Variants in P2RY8 observed in about 807,000 individuals in gnomAD.
P2RY8 encodes S-geranylgeranyl-glutathione receptor P2RY8.
P2RY8 carries 6 observed loss-of-function variants against 10.0 expected under a neutral mutation model. The ratio of observed to expected loss-of-function variants is 0.60; its 90% CI spans 0.33 to 1.19. P2RY8 has a LOEUF of 1.19. P2RY8 is among the 50% of genes most tolerant of loss of function. P2RY8 has a pLI of 0.04. For synonymous variants in P2RY8, 276 were observed against 252.5 expected (o/e 1.09, Z -0.88); for missense variants, 456 against 542.0 (o/e 0.84, Z 1.58).
At chrX:1,466,968 C>G (rs141616835) in intron 1 of P2RY8, among the ~76,000 whole-genome samples, 3,839 of 109,514 alleles carry the variant, frequency 0.035, 75 homozygotes, top group Middle Eastern at 0.067. Flanking sequence ...GGCTGAGACT[C>G]TTAGATGATC....
chrX:1,475,998 C>T (rs2091868543), intron 1 of P2RY8, among the ~76,000 whole-genome samples: 1 of 152,190 alleles, frequency 6.6e-6, no homozygotes, highest in African/African-American at 2.4e-5. Context: ...CCTGCTCAAG[C>T]ATCTCCCTGC....
intron 1 of P2RY8, among the ~76,000 whole-genome samples, chrX:1,490,615 T>C (rs1343795492): frequency 1.4e-5 from 2 of 143,904 alleles, no homozygotes; most frequent in Non-Finnish European, 3.0e-5. Context: ...GTGGGGGGAA[T>C]GAATGAATGA....
chrX:1,498,266 T>G (rs766062907), intron 1 of P2RY8, among the ~76,000 whole-genome samples: 2 of 150,610 alleles, frequency 1.3e-5, no homozygotes, highest in Non-Finnish European at 3.0e-5. Flanking sequence ...ATTAGCCGGG[T>G]GTGGTGGCGG....
intron 1 of P2RY8, among the ~76,000 whole-genome samples, chrX:1,499,801 C>G (rs188293865): frequency 2.0e-5 from 3 of 152,048 alleles, no homozygotes; most frequent in African/African-American, 7.2e-5. Flanking sequence ...CCTGGGATGT[C>G]TTTCTATTTA....
At chrX:1,474,644 G>GTGGTTGGACGTGTGGGTGGATGGA (rs2091854297) in intron 1 of P2RY8, among the ~76,000 whole-genome samples, 1 of 146,294 alleles carries the variant, frequency 6.8e-6, no homozygotes, top group Non-Finnish European at 1.5e-5. Context: ...CAGTGTTTAG[G>GTGGTTGGACGTGTGGGTGGATGGA]TGGTTGGACG....
intron 1 of P2RY8, among the ~76,000 whole-genome samples, chrX:1,509,375 T>TCTAA (rs1156404227): frequency 1.3e-3 from 25 of 19,252 alleles, no homozygotes; most frequent in Admixed American, 3.2e-3. Context: ...ATCCATCTAT[T>TCTAA]CTATCTATCT....
rs2091626340 is a variant in P2RY8, at chrX:1,464,052, C to T, written c.*1427G>A. 1 of 233,170 alleles carries T rather than the reference C, an allele frequency of 4.3e-6. No individual in the cohort carries two copies. Among genetic ancestry groups the T allele is most frequent in the Non-Finnish European group, 8.5e-6 (1 of 118,072 alleles). 14.4% of individuals were successfully genotyped at this position (233,170 alleles called of 1,614,324 possible). On this transcript the variant is annotated 3_prime_UTR_variant, in exon 2 of 2. Transcript: ENST00000381297. Reference sequence around the variant, plus strand: ...CAGGAGAGAGGCACCAATAGAGGGCCTCCGAACAGCAGCTTCAGCCTCCAT... The same window carrying T: ...CAGGAGAGAGGCACCAATAGAGGGCTTCCGAACAGCAGCTTCAGCCTCCAT...
chrX:1,472,234 T>G (rs2091796486), intron 1 of P2RY8, among the ~76,000 whole-genome samples: 1 of 150,844 alleles, frequency 6.6e-6, no homozygotes, highest in Admixed American at 6.6e-5. Context: ...CATAATAGAG[T>G]AGGGAGAGGC....
rs148196830 is a variant in P2RY8 at position 1,513,994 on chromosome X, T to G, written c.-25+22927A>C. Among the ~76,000 whole-genome samples the G allele has an allele frequency of 8.1e-3, 1,241 of 152,330 alleles. 17 individuals are homozygous for G. The highest frequency in any genetic ancestry group is 0.03 in the East Asian group (156 of 5,184). On this transcript the variant is annotated intron_variant, in intron 1 of 1. Coordinates refer to ENST00000381297, the MANE Select transcript of P2RY8 (RefSeq NM_178129.5). ...TCAAAGACTTTTTCAGCAAACAAAG[T>G]CCTGTTTCCAGGTTCCAGGGGGTTA...
intron 1 of P2RY8, among the ~76,000 whole-genome samples, chrX:1,482,132 T>A (rs1483957829): frequency 4.6e-5 from 7 of 150,948 alleles, no homozygotes; most frequent in Admixed American, 1.3e-4. Context: ...AGAAGCCCCT[T>A]TTTGAAACAA....
At chrX:1,474,596 A>ATGGATGGATAAGTGGGTGGG (rs2091853323) in intron 1 of P2RY8, among the ~76,000 whole-genome samples, 1 of 114,110 alleles carries the variant, frequency 8.8e-6, no homozygotes, top group Non-Finnish European at 1.7e-5. Context: ...GGATGGATGG[A>ATGGATGGATAAGTGGGTGGG]TGGATGGATG....
At chrX:1,476,148 C>G (rs1287277472) in intron 1 of P2RY8, among the ~76,000 whole-genome samples, 1 of 152,158 alleles carries the variant, frequency 6.6e-6, no homozygotes, top group African/African-American at 2.4e-5. Context: ...TGCTGACCTA[C>G]AAGGGTCACA....
At position 1,466,404 on chromosome X, in the gene P2RY8, A is replaced by T; in HGVS notation, c.155T>A (p.Met52Lys). 2.5e-6 allele frequency: 4 copies of T among 1,613,450 alleles called. No individual in the cohort carries two copies. Among genetic ancestry groups the T allele is most frequent in the Non-Finnish European group, 3.4e-6 (4 of 1,179,840 alleles). ...LFSLWVLCRR[M>K]GPRSPSVIFM... The stretch of plus-strand genomic sequence containing the variant: ...GATGACCGACGGGGATCTGGGCCCC[A>T]TGCGCCGGCACAGCACCCACAGAGA... The change falls in exon 2 of 2, where the codon ATG (methionine) becomes AAG (lysine). Residue 52 changes from methionine (M) to lysine (K), a missense_variant. Met to Lys is a moderately conservative substitution (Grantham distance 95, BLOSUM62 -1). Transcript: ENST00000381297.
chrX:1,475,563 AAG>A (rs1403554440), intron 1 of P2RY8, among the ~76,000 whole-genome samples: 4 of 152,226 alleles, frequency 2.6e-5, no homozygotes, highest in South Asian at 4.2e-4. Flanking sequence ...ACACCGAGAA[AAG>A]AGAGGAAAAG....
chrX:1,504,124 T>A (rs2092206553), intron 1 of P2RY8, among the ~76,000 whole-genome samples: 1 of 151,776 alleles, frequency 6.6e-6, no homozygotes, highest in Non-Finnish European at 1.5e-5. Flanking sequence ...GAGACCAGCC[T>A]GTCCAATATG....
chrX:1,536,935 C>G lies in P2RY8; in HGVS notation c.-39G>C, dbSNP rs1157428357. ...CGGCGGCTCACCTGTGCAGAAGCAGCGGCAGAAGTAGCAGGTGAGAGCTCA... is the reference window on the plus strand; with the variant it reads ...CGGCGGCTCACCTGTGCAGAAGCAGGGGCAGAAGTAGCAGGTGAGAGCTCA... On this transcript the variant is annotated 5_prime_UTR_variant, in exon 1 of 2. Transcript: ENST00000381297. The G allele has an allele frequency of 1.8e-5, 4 of 227,268 alleles. No individual in the cohort carries two copies. The highest frequency in any genetic ancestry group is 8.9e-5 in the African/African-American group (4 of 44,910). The allele number at this position is 227,268 out of a possible 1,614,324, so 14.1% of individuals were successfully genotyped here. A position where few individuals can be genotyped will look rare whatever the true frequency, so the allele number is the denominator to read the frequency against.
chrX:1,523,023 T>C (rs1235831815), intron 1 of P2RY8, among the ~76,000 whole-genome samples: 1 of 142,808 alleles, frequency 7.0e-6, no homozygotes, highest in Non-Finnish European at 1.5e-5. Flanking sequence ...AAGCCGAGAT[T>C]GCACTACTGC....
rs1328528318 is a variant in P2RY8 at position 1,465,342 on chromosome X, G to A, written c.*137C>T. Reference sequence around the variant, plus strand: ...GTGCCTGGGAGGAATAAAGCCTGGAGACCCTTCCCCACCGGGCCTCTGCAG... The same window carrying A: ...GTGCCTGGGAGGAATAAAGCCTGGAAACCCTTCCCCACCGGGCCTCTGCAG... On this transcript the variant is annotated 3_prime_UTR_variant, in exon 2 of 2. Coordinates refer to ENST00000381297, the MANE Select transcript of P2RY8 (RefSeq NM_178129.5). 5 of 1,391,898 alleles carry A rather than the reference G, an allele frequency of 3.6e-6. No individual in the cohort carries two copies. The Admixed American group carries it at 7.5e-5, about 21-fold the overall frequency. The allele number at this position is 1,391,898 out of a possible 1,614,324, so 86.2% of individuals were successfully genotyped here.
intron 1 of P2RY8, among the ~76,000 whole-genome samples, chrX:1,534,592 G>A (rs2092510931): frequency 6.6e-6 from 1 of 152,034 alleles, no homozygotes; most frequent in Non-Finnish European, 1.5e-5. Context: ...TGCCTCTAGG[G>A]ACAGAAGAGG....
Sources: allele counts gnomAD v4.1 joint callset (sites outside exome capture counted in the v4.1 genomes callset), GRCh38; gene constraint gnomAD v4.1.1; transcripts MANE v1.5; gene names NCBI Gene and HGNC (gene_info 2026-07-23, HGNC 2026-07-21).